LRRN2: variants seen among roughly 807,000 people sequenced by gnomAD.
LRRN2 encodes leucine rich repeat neuronal 2.
A neutral mutation model predicts 35.7 loss-of-function variants in LRRN2; 10 were observed. The ratio of observed to expected loss-of-function variants is 0.28; its 90% confidence interval spans 0.17 to 0.47. LRRN2 has a LOEUF of 0.47. Ranked by LOEUF, LRRN2 falls within the 20% of genes least tolerant of loss-of-function variation. The pLI is 0.99. For missense variants in LRRN2, 731 were observed against 940.3 expected (o/e 0.78, Z 2.91); for synonymous variants, 391 against 409.6 (o/e 0.95, Z 0.55).
At chr1:204,680,278 A>C (rs923585414) in intron 1 of LRRN2, among the ~76,000 whole-genome samples, 3 of 152,200 alleles carry the variant, frequency 2.0e-5, no homozygotes, top group Non-Finnish European at 4.4e-5. Flanking sequence ...TGCTCAATAA[A>C]TGCTGGGTAT....
At chr1:204,625,404 A>C (rs977392623) in intron 1 of LRRN2, among the ~76,000 whole-genome samples, 21 of 152,158 alleles carry the variant, frequency 1.4e-4, no homozygotes, top group African/African-American at 4.8e-4. Flanking sequence ...CATGAATTTT[A>C]ATACTAATAC....
At chr1:204,681,581 C>CT (rs1442545334) in intron 1 of LRRN2, among the ~76,000 whole-genome samples, 2 of 152,218 alleles carry the variant, frequency 1.3e-5, no homozygotes, top group African/African-American at 4.8e-5. Context: ...AATCTCTACT[C>CT]TGACGGTGAA....
At chr1:204,654,330 G>T (rs1298197943) in intron 1 of LRRN2, among the ~76,000 whole-genome samples, 1 of 152,196 alleles carries the variant, frequency 6.6e-6, no homozygotes, top group Admixed American at 6.5e-5. Context: ...AGATTTATGG[G>T]TTTGAATACT....
At chr1:204,654,273 G>T (rs552478364) in intron 1 of LRRN2, among the ~76,000 whole-genome samples, 10 of 152,276 alleles carry the variant, frequency 6.6e-5, no homozygotes, top group Non-Finnish European at 1.5e-4. Context: ...CCGAGAAGGG[G>T]TACGAGGAGC....
intron 1 of LRRN2, among the ~76,000 whole-genome samples, chr1:204,634,533 G>A (rs1299487819): frequency 1.3e-5 from 2 of 152,084 alleles, no homozygotes; most frequent in Admixed American, 6.6e-5. Flanking sequence ...AATATGACTG[G>A]TATCCTTATA....
At chr1:204,623,935 A>G (rs1361110420) in intron 1 of LRRN2, among the ~76,000 whole-genome samples, 2 of 152,184 alleles carry the variant, frequency 1.3e-5, no homozygotes, top group South Asian at 2.1e-4. Context: ...ATTTAGCTCC[A>G]TTTTGCCAGG....
chr1:204,656,034 C>T (rs1668347169), intron 1 of LRRN2, among the ~76,000 whole-genome samples: 2 of 152,200 alleles, frequency 1.3e-5, no homozygotes, highest in African/African-American at 4.8e-5. Flanking sequence ...CTCAGCCTCC[C>T]CAGTAGCTGG....
chr1:204,648,355 A>G (rs1668153534), intron 1 of LRRN2, among the ~76,000 whole-genome samples: 2 of 152,218 alleles, frequency 1.3e-5, no homozygotes, highest in Admixed American at 1.3e-4. Context: ...AAATCCCAGC[A>G]TGTCAAGAGT....
At chr1:204,623,351 C>T (rs1365446005) in intron 1 of LRRN2, among the ~76,000 whole-genome samples, 2 of 152,366 alleles carry the variant, frequency 1.3e-5, no homozygotes, top group East Asian at 3.9e-4. Context: ...CTTTCCCCTT[C>T]ACCCCAGACT....
At chr1:204,654,428 T>G (rs762613022) in intron 1 of LRRN2, among the ~76,000 whole-genome samples, 1 of 152,236 alleles carries the variant, frequency 6.6e-6, no homozygotes, top group Non-Finnish European at 1.5e-5. Flanking sequence ...TATTAGCTTG[T>G]TAGGCCTTAG....
rs190334783 is a variant in LRRN2 at position 204,637,187 on chromosome 1, G to A, written c.-226-16969C>T. Among the ~76,000 whole-genome samples the A allele has an allele frequency of 4.5e-4, 69 of 152,346 alleles. No individual in the cohort carries two copies. In the East Asian group the frequency reaches 0.012, roughly 26 times the overall value. On this transcript the variant is annotated intron_variant, in intron 1 of 1. Transcript: ENST00000367177. ...TGGGGGGAAAATCCCCAAATGGTTT[G>A]AATGTGAAGCCAGGACTGAGAACTA...
intron 1 of LRRN2, among the ~76,000 whole-genome samples, chr1:204,634,579 G>A (rs980612699): frequency 6.6e-6 from 1 of 152,178 alleles, no homozygotes; most frequent in African/African-American, 2.4e-5. Context: ...AGGCACACAG[G>A]AAGGTGCCAT....
intron 1 of LRRN2, among the ~76,000 whole-genome samples, chr1:204,675,059 C>T (rs1668797180): frequency 6.6e-6 from 1 of 152,208 alleles, no homozygotes; most frequent in African/African-American, 2.4e-5. Context: ...AGTCCCGGCT[C>T]ATCCACTAAC....
chr1:204,632,748 G>A (rs1401440771), intron 1 of LRRN2, among the ~76,000 whole-genome samples: 2 of 151,778 alleles, frequency 1.3e-5, no homozygotes, highest in East Asian at 1.9e-4. Flanking sequence ...TGACTAACAC[G>A]GTAAAACCCC....
Position 204,619,776 on chromosome 1 carries a change from T to A in LRRN2, c.217A>T (p.Thr73Ser). ...ATGCTGTTGCTCTGCAGGAGCAGGGTCTGTGTGCCTGCGGGGAGTGCCGGG... is the reference window on the plus strand; with the variant it reads ...ATGCTGTTGCTCTGCAGGAGCAGGGACTGTGTGCCTGCGGGGAGTGCCGGG... ...VPPALPAGTQTLLLQSNSIVR... is the reference protein window; with the variant it reads ...VPPALPAGTQSLLLQSNSIVR... Residue 73 changes from threonine (T) to serine (S), a missense_variant, in exon 2 of 2, where the codon ACC (threonine) becomes TCC (serine). Thr to Ser is a moderately conservative substitution (Grantham distance 58, BLOSUM62 1). This residue lies in a region of LRRN2 where 246 missense variants were observed against 289.5 expected (regional missense o/e 0.85). Coordinates refer to ENST00000367177, the MANE Select transcript of LRRN2 (RefSeq NM_201630.2). 1 of 1,614,192 alleles carries A rather than the reference T, an allele frequency of 6.2e-7. No homozygotes were observed. Among genetic ancestry groups the A allele is most frequent in the Non-Finnish European group, 8.5e-7 (1 of 1,180,024 alleles).
At chr1:204,652,131 C>T (rs1470264817) in intron 1 of LRRN2, among the ~76,000 whole-genome samples, 2 of 152,110 alleles carry the variant, frequency 1.3e-5, no homozygotes, top group Non-Finnish European at 2.9e-5. Flanking sequence ...TTGCGGATGG[C>T]TTCACACCCT....
chr1:204,651,448 C>T (rs1044525379), intron 1 of LRRN2, among the ~76,000 whole-genome samples: 5 of 152,324 alleles, frequency 3.3e-5, no homozygotes, highest in South Asian at 2.1e-4. Context: ...AAAGCTATTT[C>T]AGGAACTAAA....
At chr1:204,647,095 A>G (rs1255610418) in intron 1 of LRRN2, among the ~76,000 whole-genome samples, 1 of 152,034 alleles carries the variant, frequency 6.6e-6, no homozygotes. Flanking sequence ...GTGCCCAAGA[A>G]CTTGGCCTGC....
chr1:204,640,946 A>T (rs1034232225), intron 1 of LRRN2, among the ~76,000 whole-genome samples: 4 of 151,800 alleles, frequency 2.6e-5, no homozygotes, highest in Admixed American at 6.6e-5. Flanking sequence ...AAGAGAGTTA[A>T]TGTGGATCTA....
Sources: gnomAD v4.1 joint callset for allele counts (sites outside exome capture counted in the v4.1 genomes callset) on GRCh38, gnomAD v4.1.1 for gene constraint, gnomAD v4.1.1 regional missense constraint, MANE v1.5 for transcripts, NCBI Gene and HGNC (gene_info 2026-07-23, HGNC 2026-07-21) for gene names.